Variants in PDZD2 observed in about 807,000 individuals in gnomAD.
The protein encoded by PDZD2 is PDZ domain containing 2.
PDZD2 carries 90 observed loss-of-function variants against 220.7 expected under a neutral mutation model. The ratio of observed to expected loss-of-function variants is 0.41; its 90% CI spans 0.34 to 0.49. The LOEUF is 0.49. Ranked by LOEUF, PDZD2 falls within the 20% of genes least tolerant of loss-of-function variation. The pLI is 0.28. For synonymous variants in PDZD2, 1,375 were observed against 1,450.5 expected (o/e 0.95, Z 1.18); for missense variants, 3,174 against 3,608.5 (o/e 0.88, Z 3.08).
intron 6 of PDZD2, among the ~76,000 whole-genome samples, chr5:32,031,002 C>T (rs756325314): frequency 7.2e-5 from 11 of 152,206 alleles, no homozygotes; most frequent in Non-Finnish European, 1.6e-4. Context: ...ATATGCTGAT[C>T]TCTCTTGGGA....
At chr5:31,678,914 C>CT (rs934770186) in intron 1 of PDZD2, among the ~76,000 whole-genome samples, 5 of 151,930 alleles carry the variant, frequency 3.3e-5, no homozygotes, top group Admixed American at 1.3e-4. Context: ...GCCTATATTT[C>CT]TTTTTTTTCC....
rs1442295159 is a variant in PDZD2, at chr5:32,110,363, A to G, written c.*2228A>G. 2 of 152,772 alleles carry G rather than the reference A, an allele frequency of 1.3e-5. No homozygotes were observed. Among genetic ancestry groups the G allele is most frequent in the Non-Finnish European group, 1.5e-5 (1 of 68,036 alleles). The allele number at this position is 152,772 out of a possible 1,614,324, so 9.5% of individuals were successfully genotyped here. On this transcript the variant is annotated 3_prime_UTR_variant, in exon 25 of 25. Coordinates refer to ENST00000438447, the MANE Select transcript of PDZD2 (RefSeq NM_178140.4). ...AGCCACTGCTACTACATCTTGCCAG[A>G]AGGTTTCCCTCGCCAACAAACAGTT...
chr5:32,073,703 T>C (rs1200706947), intron 17 of PDZD2, 129 bp from the exon 18 acceptor site: 24 of 700,784 alleles, frequency 3.4e-5, no homozygotes, highest in Non-Finnish European at 5.9e-5. Context: ...TTGTGTCCAG[T>C]GGCTGAGGCT....
intron 2 of PDZD2, among the ~76,000 whole-genome samples, chr5:31,800,549 A>T (rs1479702261): frequency 1.3e-5 from 2 of 151,904 alleles, no homozygotes; most frequent in African/African-American, 4.8e-5. Flanking sequence ...CTTAGCATAA[A>T]CTCTCTGGCA....
At chr5:31,650,259 T>A (rs561041815) in intron 1 of PDZD2, among the ~76,000 whole-genome samples, 1 of 152,260 alleles carries the variant, frequency 6.6e-6, no homozygotes, top group Admixed American at 6.5e-5. Context: ...TTCCCAGTTA[T>A]CCTTATTTTT....
intron 13 of PDZD2, among the ~76,000 whole-genome samples, 178 bp downstream of exon 13, chr5:32,059,534 G>A (rs1227429812): frequency 6.6e-6 from 1 of 152,154 alleles, no homozygotes; most frequent in Non-Finnish European, 1.5e-5. Context: ...TAATATAAAT[G>A]AAATTTGGTT....
At position 32,061,024 on chromosome 5, in the gene PDZD2, G is replaced by A; in HGVS notation, c.2341G>A (p.Val781Met). The change falls in exon 14 of 25, where the codon GTG becomes ATG. Residue 781 changes from valine (V) to methionine (M), a missense_variant. Transcript: ENST00000438447. Reference protein sequence around the residue: ...NLSRGDQILEVNSVNVRHAAL... With the variant: ...NLSRGDQILEMNSVNVRHAAL... ...TAGCCGCGGGGATCAAATCCTGGAA[G>A]TGAACTCCGTCAACGTCCGCCATGC... 6.2e-6 allele frequency: 10 copies of A among 1,614,194 alleles called. No individual in the cohort carries two copies. Among genetic ancestry groups the A allele is most frequent in the Non-Finnish European group, 8.5e-6 (10 of 1,180,026 alleles).
At chr5:31,926,221 TAA>T (rs201595332) in intron 2 of PDZD2, among the ~76,000 whole-genome samples, 107 of 143,692 alleles carry the variant, frequency 7.4e-4, no homozygotes, top group Middle Eastern at 3.7e-3. Context: ...CCCTGTCACT[TAA>T]AAAAAAAAAA....
In PDZD2 at chr5:31,799,209, G is replaced by A; in HGVS notation, c.-40G>A. ...GCCCTGTGGGGTCTGGCCCCCAGGA[G>A]CAAGACCTCTGATGATGCTGGTGTC... On this transcript the variant is annotated 5_prime_UTR_variant, in exon 2 of 25. Coordinates refer to ENST00000438447, the MANE Select transcript of PDZD2 (RefSeq NM_178140.4). The A allele has an allele frequency of 1.4e-6, 2 of 1,440,648 alleles. No homozygotes were observed. The highest frequency in any genetic ancestry group is 1.9e-6 in the Non-Finnish European group (2 of 1,048,092). 89.2% of individuals were successfully genotyped at this position (1,440,648 alleles called of 1,614,324 possible).
chr5:31,981,426 G>A (rs561603433), intron 2 of PDZD2, among the ~76,000 whole-genome samples: 17 of 152,206 alleles, frequency 1.1e-4, no homozygotes, highest in South Asian at 2.1e-4. Context: ...TCTCCTTCCC[G>A]CTCCCTTGCC....
At chr5:32,032,686 G>C (rs1469964463) in intron 6 of PDZD2, among the ~76,000 whole-genome samples, 1 of 152,144 alleles carries the variant, frequency 6.6e-6, no homozygotes, top group East Asian at 1.9e-4. Flanking sequence ...ATGTTAGTGT[G>C]GTTTCAAAGG....
At position 32,077,871 on chromosome 5, in the gene PDZD2, C is replaced by T. The variant is rs367617590; in HGVS notation, c.3682+265C>T. On this transcript the variant is annotated intron_variant, in intron 19 of 24. Coordinates refer to ENST00000438447, the MANE Select transcript of PDZD2 (RefSeq NM_178140.4). ...ACTTGGGAGGCTGAGGCAGGAGAAT[C>T]GCTTGAACTGGGTAGGCGGAGGTTG... 2.4e-4 allele frequency: 89 copies of T among 371,376 alleles called. 1 individual carries two copies. In the East Asian group the frequency reaches 3.1e-3, roughly 13 times the overall value. The allele number at this position is 371,376 out of a possible 1,614,324, so 23.0% of individuals were successfully genotyped here.
chr5:31,930,089 C>G (rs1745123804), intron 2 of PDZD2, among the ~76,000 whole-genome samples: 1 of 152,104 alleles, frequency 6.6e-6, no homozygotes, highest in Non-Finnish European at 1.5e-5. Context: ...CATTCTGAGG[C>G]CTCCCGAGAA....
At chr5:31,783,079 T>G (rs1313995895) in intron 1 of PDZD2, among the ~76,000 whole-genome samples, 1 of 152,212 alleles carries the variant, frequency 6.6e-6, no homozygotes, top group African/African-American at 2.4e-5. Flanking sequence ...AACTTTATTT[T>G]AGATGAAGTT....
intron 1 of PDZD2, among the ~76,000 whole-genome samples, chr5:31,699,747 G>GCCC (rs1747533647): frequency 6.6e-6 from 1 of 151,274 alleles, no homozygotes; most frequent in Non-Finnish European, 1.5e-5. Context: ...GGGATTCCAG[G>GCCC]CATACTACCA....
intron 2 of PDZD2, among the ~76,000 whole-genome samples, chr5:31,812,888 A>C (rs772745073): frequency 3.3e-5 from 5 of 152,186 alleles, no homozygotes; most frequent in Admixed American, 6.5e-5. Context: ...GCCTAAAAAT[A>C]CTACAATTAA....
chr5:32,003,113 A>C, intron 5 of PDZD2, among the ~76,000 whole-genome samples: 2 of 33,854 alleles, frequency 5.9e-5, no homozygotes, highest in Non-Finnish European at 1.4e-4. Context: ...CCCCACAAAC[A>C]CACCACGCGC....
Position 31,979,232 on chromosome 5 carries a change from A to G in PDZD2, c.477-3923A>G, listed in dbSNP as rs546506484. Among the ~76,000 whole-genome samples, 3 of 152,300 alleles carry G rather than the reference A, an allele frequency of 2.0e-5. No individual in the cohort carries two copies. The South Asian group carries it at 6.2e-4, about 32-fold the overall frequency. On this transcript the variant is annotated intron_variant, in intron 2 of 24. Transcript: ENST00000438447. ...GTCTCCGAGCTAAATCTTTTTCAGGATGATCGTAAATGTTTCAGAGGCCTA... is the reference window on the plus strand; with the variant it reads ...GTCTCCGAGCTAAATCTTTTTCAGGGTGATCGTAAATGTTTCAGAGGCCTA...
At chr5:31,648,644 G>A (rs1414954494) in intron 1 of PDZD2, among the ~76,000 whole-genome samples, 1 of 151,888 alleles carries the variant, frequency 6.6e-6, no homozygotes, top group Non-Finnish European at 1.5e-5. Context: ...TTTCCTCCGA[G>A]CAGCCAGAGG....
Sources: allele counts gnomAD v4.1 joint callset (sites outside exome capture counted in the v4.1 genomes callset), GRCh38; gene constraint gnomAD v4.1.1; transcripts MANE v1.5; gene names NCBI Gene and HGNC (gene_info 2026-07-23, HGNC 2026-07-21).